Variants in MAN1A1 observed in about 807,000 individuals in gnomAD.
The protein encoded by MAN1A1 is mannosidase alpha class 1A member 1, also known as mannosyl-oligosaccharide 1,2-alpha-mannosidase IA.
A neutral mutation model predicts 70.8 loss-of-function variants in MAN1A1; 29 were observed. The ratio of observed to expected loss-of-function variants is 0.41; its 90% CI spans 0.31 to 0.56. The LOEUF is 0.56. MAN1A1 is among the 20% of genes least tolerant of loss of function. MAN1A1 has a pLI of 0.29. For synonymous variants in MAN1A1, 349 were observed against 330.1 expected, an observed-to-expected ratio of 1.06 and a Z score of -0.62; for missense variants, 747 against 841.3, an observed-to-expected ratio of 0.89 and a Z score of 1.39.
intron 5 of MAN1A1, among the ~76,000 whole-genome samples, chr6:119,262,342 C>T (rs6569059): frequency 6.6e-6 from 1 of 152,096 alleles, no homozygotes; most frequent in Non-Finnish European, 1.5e-5. Flanking sequence ...TCTTATTTTA[C>T]GCAGTGATAA....
rs1416736428 is a variant in MAN1A1 at position 119,177,974 on chromosome 6, G to C, written c.*1845C>G. ...TTTTAATATTTTGCCTTAAAGTCCTGGGAACAAAGGGCTCTTGCTATCCAT... is the reference window on the plus strand; with the variant it reads ...TTTTAATATTTTGCCTTAAAGTCCTCGGAACAAAGGGCTCTTGCTATCCAT... On this transcript the variant is annotated 3_prime_UTR_variant, in exon 13 of 13. Transcript: ENST00000368468. 6.6e-6 allele frequency: 1 copy of C among 152,026 alleles called. No homozygotes were observed. Among genetic ancestry groups the C allele is most frequent in the African/African-American group, 2.4e-5 (1 of 41,412 alleles). 9.4% of individuals were successfully genotyped at this position (152,026 alleles called of 1,614,324 possible). A position where few individuals can be genotyped will look rare whatever the true frequency, so the allele number is the denominator to read the frequency against.
chr6:119,234,071 T>C (rs967368435), intron 6 of MAN1A1, among the ~76,000 whole-genome samples: 7 of 152,192 alleles, frequency 4.6e-5, no homozygotes, highest in Admixed American at 3.9e-4. Context: ...CTGTGACAAG[T>C]GGTTGTCAGC....
intron 6 of MAN1A1, among the ~76,000 whole-genome samples, chr6:119,242,573 C>A (rs1274273694): frequency 1.3e-5 from 2 of 152,078 alleles, no homozygotes; most frequent in East Asian, 3.9e-4. Context: ...ACTATTTTAT[C>A]ATATACCATA....
At chr6:119,182,358 T>C (rs1228535780) in intron 11 of MAN1A1, among the ~76,000 whole-genome samples, 1 of 152,200 alleles carries the variant, frequency 6.6e-6, no homozygotes, top group Non-Finnish European at 1.5e-5. Flanking sequence ...TTTAGTTTGA[T>C]GTAGTTTCAT....
intron 5 of MAN1A1, among the ~76,000 whole-genome samples, chr6:119,255,535 A>C (rs1775434608): frequency 6.6e-6 from 1 of 152,246 alleles, no homozygotes; most frequent in Admixed American, 6.5e-5. Flanking sequence ...GAAAGATTTA[A>C]ATATCAGAAT....
chr6:119,313,786 T>C (rs1352889375), intron 2 of MAN1A1, among the ~76,000 whole-genome samples: 1 of 152,110 alleles, frequency 6.6e-6, no homozygotes, highest in Non-Finnish European at 1.5e-5. Flanking sequence ...CTGTCTGCTC[T>C]CTGGTTTGTG....
In MAN1A1 at chr6:119,189,858, T is replaced by G; in HGVS notation, c.1352A>C (p.Lys451Thr). ...GATATAAGTTAGTCCGCTGCTAGAC[T>G]TGCGGATCAAATGAGTCTCGATAGC... is the stretch of plus-strand genomic sequence containing the variant. The part of the protein sequence containing the change: ...VQAIETHLIR[K>T]SSSGLTYIAE... Residue 451 changes from lysine to threonine, a missense_variant, in exon 10 of 13, where the codon AAG becomes ACG. Physicochemically the swap from Lys to Thr is moderately conservative, Grantham distance 78 (BLOSUM62 -1). Coordinates refer to ENST00000368468, the MANE Select transcript of MAN1A1 (RefSeq NM_005907.4). The G allele has an allele frequency of 6.2e-7, 1 of 1,614,052 alleles. No homozygotes were observed. The highest frequency in any genetic ancestry group is 8.5e-7 in the Non-Finnish European group (1 of 1,179,952).
chr6:119,334,817 T>C (rs1773410809), intron 2 of MAN1A1, among the ~76,000 whole-genome samples: 1 of 152,248 alleles, frequency 6.6e-6, no homozygotes. Context: ...TATCTCTGAA[T>C]GAAACATTTT....
intron 5 of MAN1A1, among the ~76,000 whole-genome samples, chr6:119,281,473 G>C (rs1433874277): frequency 1.3e-5 from 2 of 152,194 alleles, no homozygotes; most frequent in Admixed American, 1.3e-4. Flanking sequence ...TTTCAGACAA[G>C]TGCATTAAAA....
rs577150999 is a variant in MAN1A1 at position 119,241,047 on chromosome 6, T to C, written c.992+7213A>G. Among the ~76,000 whole-genome samples the C allele has an allele frequency of 3.3e-5, 5 of 152,276 alleles. No individual in the cohort carries two copies. The East Asian group carries it at 9.7e-4, about 29-fold the overall frequency. ...GCTACAAAGTGTGACTTTATGGAAA[T>C]AGCTTTACTTTTAAACAGTAACCCA... On this transcript the variant is annotated intron_variant, in intron 6 of 12. Transcript: ENST00000368468.
chr6:119,306,780 A>G (rs2114449885), intron 3 of MAN1A1, 116 bp downstream of exon 3: 1 of 720,174 alleles, frequency 1.4e-6, no homozygotes, highest in South Asian at 1.7e-5. Flanking sequence ...CAGGTGTGCA[A>G]GTTTCCTAAC....
chr6:119,201,371 C>T (rs1409042970), intron 7 of MAN1A1, 24 bp from the exon 8 acceptor site: 4 of 1,527,978 alleles, frequency 2.6e-6, no homozygotes, highest in Non-Finnish European at 1.8e-6. Context: ...TAAAATGTTA[C>T]CGTGAAAATC....
intron 2 of MAN1A1, among the ~76,000 whole-genome samples, chr6:119,320,428 A>G (rs1772974947): frequency 6.6e-6 from 1 of 152,146 alleles, no homozygotes; most frequent in Non-Finnish European, 1.5e-5. Flanking sequence ...GCTATGTACT[A>G]TTGCCCCAAT....
At chr6:119,257,221 AGG>A (rs1775484182) in intron 5 of MAN1A1, among the ~76,000 whole-genome samples, 1 of 152,222 alleles carries the variant, frequency 6.6e-6, no homozygotes, top group Non-Finnish European at 1.5e-5. Context: ...GATAGCGAGC[AGG>A]TGGAGAGCTA....
intron 6 of MAN1A1, among the ~76,000 whole-genome samples, chr6:119,235,055 T>C (rs1339527195): frequency 6.6e-6 from 1 of 152,206 alleles, no homozygotes; most frequent in African/African-American, 2.4e-5. Context: ...TAAGCATGTG[T>C]GTTCTGAGCT....
At chr6:119,205,806 C>A (rs943427268) in intron 6 of MAN1A1, among the ~76,000 whole-genome samples, 9 of 152,338 alleles carry the variant, frequency 5.9e-5, no homozygotes, top group Admixed American at 5.2e-4. Flanking sequence ...AGTTTAGATG[C>A]ACATTTAGTG....
At chr6:119,204,294 G>C (rs544669772) in intron 7 of MAN1A1, among the ~76,000 whole-genome samples, 1 of 152,180 alleles carries the variant, frequency 6.6e-6, no homozygotes, top group Admixed American at 6.5e-5. Context: ...TTACTGTAAA[G>C]GGAAGCCAAA....
chr6:119,331,793 CA>C (rs1304327370), intron 2 of MAN1A1: 1 of 254,340 alleles, frequency 3.9e-6, no homozygotes, highest in Non-Finnish European at 8.1e-6. Context: ...ACTTCCTTCT[CA>C]GGCAGAGGAG....
intron 6 of MAN1A1, among the ~76,000 whole-genome samples, chr6:119,243,290 T>A (rs955048520): frequency 7.2e-5 from 11 of 152,064 alleles, no homozygotes; most frequent in Non-Finnish European, 1.5e-4. Flanking sequence ...TTCTATTATA[T>A]TAAAGTATGG....
Sources: allele counts gnomAD v4.1 joint callset (sites outside exome capture counted in the v4.1 genomes callset), GRCh38; gene constraint gnomAD v4.1.1; transcripts MANE v1.5; gene names NCBI Gene and HGNC (gene_info 2026-07-23, HGNC 2026-07-21).